TSC2: variants seen among roughly 807,000 people sequenced by gnomAD.
The protein encoded by TSC2 is TSC complex subunit 2.
In TSC2, 29 loss-of-function variants were observed where a neutral mutation model predicts 202.2. The observed-to-expected ratio is 0.14, with a 90% CI of 0.11 to 0.20. The LOEUF (loss-of-function observed/expected upper bound fraction) is 0.20. Among genes scored for constraint, TSC2 ranks in the 10% least tolerant of loss-of-function variants. TSC2 has a pLI of 1.00. For synonymous variants in TSC2, 1,349 were observed against 1,044.0 expected (o/e 1.29, Z -5.63); for missense variants, 2,429 against 2,420.0 (o/e 1.00, Z -0.08).
At chr16:2,067,765 C>T (rs1375214479) in intron 16 of TSC2, among the ~76,000 whole-genome samples, 2 of 152,138 alleles carry the variant, frequency 1.3e-5, no homozygotes, top group East Asian at 1.9e-4. Context: ...AATGAAACAA[C>T]GTCTCAAAAA....
chr16:2,070,576 C>T lies in TSC2; in HGVS notation c.1837C>T (p.Gln613Ter), dbSNP rs45480292. Residue 613 changes from glutamine (Q) to a stop codon, truncating the protein, a stop_gained and splice_region_variant, in exon 17 of 42, where the codon CAG becomes TAG. Transcript: ENST00000219476. LOFTEE classifies it high-confidence loss of function. ...GCCAATCGCGAGCAGCATCCGGCTGCAGGTATGGTGGCTGGGGTTGCGCAG... is the reference window on the plus strand; with the variant it reads ...GCCAATCGCGAGCAGCATCCGGCTGTAGGTATGGTGGCTGGGGTTGCGCAG... The part of the protein sequence containing the change: ...TLPIASSIRL[Q>*]AFDFLLLLRA... The T allele has an allele frequency of 6.2e-7, 1 of 1,613,070 alleles. No individual in the cohort carries two copies. The highest frequency in any genetic ancestry group is 8.5e-7 in the Non-Finnish European group (1 of 1,180,022).
intron 17 of TSC2, among the ~76,000 whole-genome samples, chr16:2,071,040 C>G (rs1001748609): frequency 1.3e-5 from 2 of 151,952 alleles, no homozygotes; most frequent in African/African-American, 4.8e-5. Flanking sequence ...TGAGTTTGCG[C>G]TATAGATGTT....
chr16:2,063,862 G>A (rs923327462), intron 14 of TSC2: 19 of 343,070 alleles, frequency 5.5e-5, no homozygotes, highest in Non-Finnish European at 9.1e-5. Context: ...GCACACACAC[G>A]CATATTCACG....
chr16:2,048,805 C>T (rs765692720), intron 2 of TSC2, 52 bp downstream of exon 2: 2 of 1,612,802 alleles, frequency 1.2e-6, no homozygotes, highest in South Asian at 1.1e-5. Flanking sequence ...GCAGAGAAGG[C>T]TGGGTTTGGT....
Position 2,087,800 on chromosome 16 carries a change from T to C in TSC2, c.4990-63T>C. ...GGTGTCTAGCAGTGCAACCAGGCAGTAGCCGAGATCAGCCTTCAGCACACG... is the reference window on the plus strand; with the variant it reads ...GGTGTCTAGCAGTGCAACCAGGCAGCAGCCGAGATCAGCCTTCAGCACACG... On this transcript the variant is annotated intron_variant, in intron 38 of 41. Coordinates refer to ENST00000219476, the MANE Select transcript of TSC2 (RefSeq NM_000548.5). The C allele has an allele frequency of 3.2e-6, 5 of 1,581,280 alleles. No homozygotes were observed. The South Asian group carries it at 3.4e-5, about 11-fold the overall frequency.
At chr16:2,071,648 C>T in intron 18 of TSC2, 32 bp downstream of exon 18, 2 of 1,612,104 alleles carry the variant, frequency 1.2e-6, no homozygotes, top group Non-Finnish European at 8.5e-7. Flanking sequence ...GCCCATGAGG[C>T]TCAGGGCGTC....
rs531334006 is a variant in TSC2, at chr16:2,070,010, A to C, written c.1717-446A>C. Among the ~76,000 whole-genome samples, 526 of 152,306 alleles carry C rather than the reference A, an allele frequency of 3.5e-3. 1 individual carries two copies. Among genetic ancestry groups the C allele is most frequent in the African/African-American group, 0.012 (509 of 41,570 alleles). The stretch of plus-strand genomic sequence containing the variant: ...ACCACTTACCTCCAGAGTGCTGCAA[A>C]GGGTCCCTCAGGCCAGATTTCCCCT... On this transcript the variant is annotated intron_variant, in intron 16 of 41. Coordinates refer to ENST00000219476, the MANE Select transcript of TSC2 (RefSeq NM_000548.5).
At position 2,065,655 on chromosome 16, in the gene TSC2, C is replaced by CCT. The variant is rs1322866304; in HGVS notation, c.1716+23_1716+24dup. 3 of 1,605,414 alleles carry CCT rather than the reference C, an allele frequency of 1.9e-6. No homozygotes were observed. Among genetic ancestry groups the CCT allele is most frequent in the Non-Finnish European group, 2.6e-6 (3 of 1,173,062 alleles). ...CTTCAGGTGGGTGTTCTGCACGAGG[C>CCT]CTCTGCTCCCGGGGCGCGCATGGCT... On this transcript the variant is annotated intron_variant, in intron 16 of 41. Coordinates refer to ENST00000219476, the MANE Select transcript of TSC2 (RefSeq NM_000548.5).
intron 16 of TSC2, 38 bp from the exon 17 acceptor site, chr16:2,070,418 C>T (rs773285241): frequency 8.7e-6 from 14 of 1,613,172 alleles, no homozygotes; most frequent in Middle Eastern, 3.3e-4. Flanking sequence ...TGCGTTTTCA[C>T]CTCCTGCGCC....
chr16:2,062,095 A>G (rs1387712989), intron 12 of TSC2, 87 bp downstream of exon 12: 7 of 1,586,500 alleles, frequency 4.4e-6, no homozygotes, highest in Non-Finnish European at 6.0e-6. Context: ...TCTGAGCCTC[A>G]GAAGCCAAGG....
rs555965958 is a variant in TSC2 at position 2,056,959 on chromosome 16, C to T, written c.775-146C>T. On this transcript the variant is annotated intron_variant, in intron 8 of 41. Transcript: ENST00000219476. ...TTTTGGTGGCATTTTGAGAACCCTG[C>T]TGCCTCTGTCTTTGGGAGGAGATGG... is the stretch of plus-strand genomic sequence containing the variant. 4.1e-4 allele frequency: 552 copies of T among 1,355,926 alleles called. 3 individuals are homozygous for T. Among genetic ancestry groups the T allele is most frequent in the South Asian group, 1.3e-3 (108 of 80,870 alleles). 84.0% of individuals were successfully genotyped at this position (1,355,926 alleles called of 1,614,324 possible).
chr16:2,058,599 TCCCTGCCCTTCCCCAGCGGTGC>T (rs1461187056), intron 9 of TSC2, 126 bp from the exon 10 acceptor site: 22 of 1,241,126 alleles, frequency 1.8e-5, no homozygotes, highest in Non-Finnish European at 2.4e-5. Context: ...TGGCCTCTGT[TCCCTGCCCTTCCCCAGCGGTGC>T]TCCTGCCCCC....
At position 2,057,183 on chromosome 16, in the gene TSC2, G is replaced by A. The variant is rs1370989559; in HGVS notation, c.848+5G>A. ...GTGCCACCTCATGGAGGACAGGTGA[G>A]TGTGGTGGGTGGGGCGCAGGGCAGT... is the stretch of plus-strand genomic sequence containing the variant. On this transcript the variant is annotated splice_donor_5th_base_variant and intron_variant, in intron 9 of 41. Coordinates refer to ENST00000219476, the MANE Select transcript of TSC2 (RefSeq NM_000548.5). 3.2e-6 allele frequency: 5 copies of A among 1,551,704 alleles called. No homozygotes were observed. The highest frequency in any genetic ancestry group is 4.4e-6 in the Non-Finnish European group (5 of 1,147,010).
chr16:2,077,646 C>T lies in TSC2; in HGVS notation c.2886C>T (p.Pro962=), dbSNP rs140202176. 2.4e-5 allele frequency: 38 copies of T among 1,613,144 alleles called. No individual in the cohort carries two copies. Among genetic ancestry groups the T allele is most frequent in the Admixed American group, 6.7e-5 (4 of 60,028 alleles). ...PPKQGLNNSP[P]VKEFKESSAA... ...AACAAGGCTTGAATAACTCTCCACC[C>T]GTGAAAGAATTCAAGGAGAGCTCTG... is the stretch of plus-strand genomic sequence containing the variant. The change falls in exon 26 of 42, where the codon CCC becomes CCT. Residue 962 remains proline, a synonymous_variant. Transcript: ENST00000219476.
rs914189381 is a variant in TSC2 at position 2,071,383 on chromosome 16, G to C, written c.1840-127G>C. 6 of 870,450 alleles carry C rather than the reference G, an allele frequency of 6.9e-6. No individual in the cohort carries two copies. In the Admixed American group the frequency reaches 1.2e-4, roughly 17 times the overall value. The allele number at this position is 870,450 out of a possible 1,614,324, so 53.9% of individuals were successfully genotyped here. A position where few individuals can be genotyped will look rare whatever the true frequency, so the allele number is the denominator to read the frequency against. ...TGTGTCTGTGTTGGGATGTGGGTGT[G>C]TGCACATCAGCAGGTGGCCTTTTCT... is the stretch of plus-strand genomic sequence containing the variant. On this transcript the variant is annotated intron_variant, in intron 17 of 41. Coordinates refer to ENST00000219476, the MANE Select transcript of TSC2 (RefSeq NM_000548.5).
chr16:2,076,954 C>T (rs968589203), intron 25 of TSC2, among the ~76,000 whole-genome samples: 9 of 152,228 alleles, frequency 5.9e-5, no homozygotes, highest in Non-Finnish European at 1.0e-4. Context: ...CTTGCCGGAC[C>T]GCAAAGAGCT....
At position 2,076,529 on chromosome 16, in the gene TSC2, C is replaced by A. The variant is rs376275903; in HGVS notation, c.2781C>A (p.Thr927=). The A allele has an allele frequency of 6.2e-7, 1 of 1,613,554 alleles. No homozygotes were observed. Among genetic ancestry groups the A allele is most frequent in the Non-Finnish European group, 8.5e-7 (1 of 1,179,992 alleles). Residue 927 remains threonine (T), a synonymous_variant, in exon 25 of 42, where the codon ACC becomes ACA. Transcript: ENST00000219476. The part of the protein sequence containing the change: ...RSNVLLSFDD[T]PEKDSFRARS... ...ATGTCCTCTTGTCTTTTGATGACACCCCCGAGAAGGACAGCTTCAGGGCCC... is the reference window on the plus strand; with the variant it reads ...ATGTCCTCTTGTCTTTTGATGACACACCCGAGAAGGACAGCTTCAGGGCCC...
chr16:2,081,808 A>G lies in TSC2; in HGVS notation c.3814+10A>G, dbSNP rs200309006. 24 of 1,611,584 alleles carry G rather than the reference A, an allele frequency of 1.5e-5. No individual in the cohort carries two copies. The highest frequency in any genetic ancestry group is 1.7e-5 in the Non-Finnish European group (20 of 1,179,938). ...CCTCGCTCCAACACAGGTGAGTGGC[A>G]TGGCGGGCCTTGGCACGGGCTCTGC... is the stretch of plus-strand genomic sequence containing the variant. On this transcript the variant is annotated intron_variant, in intron 31 of 41. Transcript: ENST00000219476.
At chr16:2,086,166 C>T (rs2151568084) in intron 36 of TSC2, 27 bp from the exon 37 acceptor site, 1 of 1,612,026 alleles carries the variant, frequency 6.2e-7, no homozygotes, top group Admixed American at 1.7e-5. Context: ...GGAGTGATGC[C>T]ACCCTGCCTC....
Sources: gnomAD v4.1 joint callset for allele counts (sites outside exome capture counted in the v4.1 genomes callset) on GRCh38, gnomAD v4.1.1 for gene constraint, MANE v1.5 for transcripts, NCBI Gene and HGNC (gene_info 2026-07-23, HGNC 2026-07-21) for gene names.